The following ZDHHC20 variants were observed in gnomAD, a reference collection of about 807,000 sequenced individuals.
ZDHHC20 encodes zDHHC palmitoyltransferase 20, also known as palmitoyltransferase ZDHHC20.
ZDHHC20 carries 43 observed loss-of-function variants against 57.8 expected under a neutral mutation model. The ratio of observed to expected loss-of-function variants is 0.74; its 90% CI spans 0.58 to 0.96. The LOEUF (loss-of-function observed/expected upper bound fraction) is 0.96, where lower values mean the gene tolerates loss of function less well. Among genes scored for constraint, ZDHHC20 ranks in the 40% least tolerant of loss-of-function variants. ZDHHC20 has a pLI of 0.00. For synonymous variants in ZDHHC20, 157 were observed against 153.0 expected (o/e 1.03, Z -0.19); for missense variants, 391 against 441.1 (o/e 0.89, Z 1.02).
chr13:21,452,609 A>T (rs1442121779), intron 1 of ZDHHC20, among the ~76,000 whole-genome samples: 1 of 152,200 alleles, frequency 6.6e-6, no homozygotes, highest in Non-Finnish European at 1.5e-5. Flanking sequence ...TAATATAATC[A>T]ACTGTTTAAA....
intron 4 of ZDHHC20, 89 bp from the exon 5 acceptor site, chr13:21,402,955 T>G (rs750594980): frequency 6.3e-6 from 6 of 952,310 alleles, no homozygotes; most frequent in Non-Finnish European, 9.7e-6. Flanking sequence ...AAAAAATAAC[T>G]CTGGGTAATT....
At chr13:21,447,352 G>A (rs1224004974) in intron 1 of ZDHHC20, among the ~76,000 whole-genome samples, 1 of 150,360 alleles carries the variant, frequency 6.7e-6, no homozygotes, top group Non-Finnish European at 1.5e-5. Flanking sequence ...AGCCGAAGCT[G>A]GACTGTACCG....
chr13:21,376,753 T>C (rs1460589948), intron 12 of ZDHHC20, 98 bp from the exon 13 acceptor site: 3 of 678,626 alleles, frequency 4.4e-6, no homozygotes, highest in Non-Finnish European at 6.9e-6. Context: ...AAGCTACTAA[T>C]ATAACAAGAT....
At chr13:21,400,323 A>C (rs756779116) in intron 7 of ZDHHC20, 50 bp downstream of exon 7, 2 of 1,473,974 alleles carry the variant, frequency 1.4e-6, no homozygotes, top group South Asian at 1.4e-5. Flanking sequence ...TTAGGAAGAT[A>C]GCATCTTAAA....
intron 1 of ZDHHC20, among the ~76,000 whole-genome samples, chr13:21,456,722 C>A (rs1884960114): frequency 6.6e-6 from 1 of 152,156 alleles, no homozygotes; most frequent in Non-Finnish European, 1.5e-5. Context: ...CCTTTCACCA[C>A]CAAATATTTT....
At chr13:21,446,973 T>A (rs1055418920) in intron 1 of ZDHHC20, among the ~76,000 whole-genome samples, 1 of 152,108 alleles carries the variant, frequency 6.6e-6, no homozygotes, top group African/African-American at 2.4e-5. Context: ...GATATCTTGC[T>A]GAGCAAGAAA....
At chr13:21,406,098 C>T (rs966174993) in intron 4 of ZDHHC20, among the ~76,000 whole-genome samples, 2 of 152,126 alleles carry the variant, frequency 1.3e-5, no homozygotes, top group South Asian at 2.1e-4. Flanking sequence ...TAACTGAAAG[C>T]CCAACACTTG....
intron 11 of ZDHHC20, among the ~76,000 whole-genome samples, chr13:21,378,948 T>C (rs2137622946): frequency 6.6e-6 from 1 of 152,340 alleles, no homozygotes; most frequent in Admixed American, 6.5e-5. Context: ...GTTTATCTTG[T>C]GGAAATACCT....
chr13:21,456,376 C>T (rs189867947), intron 1 of ZDHHC20, among the ~76,000 whole-genome samples: 1 of 152,306 alleles, frequency 6.6e-6, no homozygotes, highest in African/African-American at 2.4e-5. Flanking sequence ...CATCATTGCA[C>T]TCCAGCCTGG....
intron 7 of ZDHHC20, 103 bp from the exon 8 acceptor site, chr13:21,391,957 T>C: frequency 7.7e-7 from 1 of 1,295,360 alleles, no homozygotes; most frequent in East Asian, 2.6e-5. Context: ...CTTGCCATAT[T>C]TGAAAACTAA....
At chr13:21,427,985 TAA>T (rs1566100405) in intron 1 of ZDHHC20, among the ~76,000 whole-genome samples, 3 of 152,070 alleles carry the variant, frequency 2.0e-5, no homozygotes, top group Admixed American at 2.0e-4. Flanking sequence ...CTGACACTTG[TAA>T]TTACTGGTTT....
chr13:21,441,549 CTTTTTTTTTTTTTTTTT>C (rs397851910), intron 1 of ZDHHC20, among the ~76,000 whole-genome samples: 1 of 65,326 alleles, frequency 1.5e-5, no homozygotes, highest in Non-Finnish European at 2.5e-5. Flanking sequence ...CCACGCCCGG[CTTTTTTTTTTTTTTTTT>C]TTTTTTTTTT....
At chr13:21,392,283 ATT>A (rs890791021) in intron 7 of ZDHHC20, among the ~76,000 whole-genome samples, 4 of 152,064 alleles carry the variant, frequency 2.6e-5, no homozygotes, top group African/African-American at 9.6e-5. Flanking sequence ...TACCCAACAA[ATT>A]TTCTTTTGTA....
At chr13:21,391,597 G>A in intron 8 of ZDHHC20, 125 bp downstream of exon 8, 1 of 1,059,784 alleles carries the variant, frequency 9.4e-7, no homozygotes, top group Non-Finnish European at 1.3e-6. Context: ...TTAGGCACGT[G>A]CCACCAATTC....
chr13:21,457,777 A>G (rs1885044741), intron 1 of ZDHHC20, among the ~76,000 whole-genome samples: 1 of 152,240 alleles, frequency 6.6e-6, no homozygotes, highest in Non-Finnish European at 1.5e-5. Context: ...AAATCCAAAC[A>G]TAATTGAAGT....
intron 9 of ZDHHC20, among the ~76,000 whole-genome samples, chr13:21,384,336 A>C (rs761084715): frequency 2.0e-5 from 3 of 151,456 alleles, no homozygotes; most frequent in Non-Finnish European, 4.4e-5. Flanking sequence ...GCTACTAGGG[A>C]GGCTGAGGCA....
At chr13:21,435,138 C>T (rs1882408504) in intron 1 of ZDHHC20, among the ~76,000 whole-genome samples, 1 of 152,072 alleles carries the variant, frequency 6.6e-6, no homozygotes. Context: ...AATTTTACCT[C>T]GTATTTATCT....
chr13:21,380,723 C>T (rs1024628016), intron 11 of ZDHHC20, among the ~76,000 whole-genome samples: 4 of 150,626 alleles, frequency 2.7e-5, no homozygotes, highest in South Asian at 2.1e-4. Flanking sequence ...ACCCGGGAGG[C>T]GGAGGTTGCA....
chr13:21,388,022 T>G (rs906638954), intron 8 of ZDHHC20, among the ~76,000 whole-genome samples: 3 of 152,134 alleles, frequency 2.0e-5, no homozygotes, highest in African/African-American at 7.2e-5. Flanking sequence ...AAAGATAAAT[T>G]AGATAAAATT....
Sources: allele counts gnomAD v4.1 joint callset (sites outside exome capture counted in the v4.1 genomes callset), GRCh38; gene constraint gnomAD v4.1.1; transcripts MANE v1.5; gene names NCBI Gene and HGNC (gene_info 2026-07-23, HGNC 2026-07-21).